NCALD: variants seen among roughly 807,000 people sequenced by gnomAD.
The protein encoded by NCALD is neurocalcin-delta.
In NCALD, 10 loss-of-function variants were observed where a neutral mutation model predicts 18.6. That is an observed-to-expected ratio of 0.54 (90% CI 0.33 to 0.91). NCALD has a LOEUF of 0.91. Ranked by LOEUF, NCALD falls within the 40% of genes least tolerant of loss-of-function variation. NCALD has a pLI of 0.03. For synonymous variants in NCALD, 88 were observed against 87.4 expected, an observed-to-expected ratio of 1.01 and a Z score of -0.04; for missense variants, 184 against 247.6, an observed-to-expected ratio of 0.74 and a Z score of 1.72.
chr8:101,872,054 C>T (rs1318793839), intron 4 of NCALD: 2 of 1,378,658 alleles, frequency 1.5e-6, no homozygotes, highest in Admixed American at 1.7e-5. Context: ...TAAACAAATA[C>T]CATGGGCAGA....
intron 4 of NCALD, among the ~76,000 whole-genome samples, chr8:101,842,033 T>G (rs1187876952): frequency 6.6e-6 from 1 of 152,222 alleles, no homozygotes; most frequent in Admixed American, 6.5e-5. Context: ...TTATGGAGGC[T>G]AGAAGTCCAA....
intron 2 of NCALD, chr8:102,020,146 T>A (rs1007706186): frequency 1.4e-4 from 22 of 152,174 alleles, no homozygotes; most frequent in Admixed American, 1.2e-3. Context: ...AAAATGAGGA[T>A]TACATAGAAT....
chr8:102,081,605 G>A (rs2132335047), intron 1 of NCALD, among the ~76,000 whole-genome samples: 1 of 145,376 alleles, frequency 6.9e-6, no homozygotes, highest in South Asian at 2.2e-4. Flanking sequence ...TTGCGCATGC[G>A]CACTTTACCT....
chr8:101,812,141 G>T (rs1813328198), intron 4 of NCALD, among the ~76,000 whole-genome samples: 1 of 152,118 alleles, frequency 6.6e-6, no homozygotes, highest in Non-Finnish European at 1.5e-5. Context: ...TTTCTAAGTA[G>T]TTATCAACCA....
chr8:101,881,746 A>G (rs746424016), intron 4 of NCALD, among the ~76,000 whole-genome samples: 2 of 152,114 alleles, frequency 1.3e-5, no homozygotes, highest in Non-Finnish European at 2.9e-5. Flanking sequence ...CCAGAAAAAC[A>G]TATTATCACG....
intron 2 of NCALD, among the ~76,000 whole-genome samples, chr8:101,935,383 TTAAG>T (rs1211334481): frequency 6.6e-5 from 10 of 152,294 alleles, no homozygotes; most frequent in African/African-American, 1.4e-4. Flanking sequence ...AAAGTTGAGT[TTAAG>T]TAAGATGTTA....
intron 2 of NCALD, among the ~76,000 whole-genome samples, chr8:102,012,204 A>G (rs1011111077): frequency 6.6e-6 from 1 of 152,226 alleles, no homozygotes; most frequent in African/African-American, 2.4e-5. Context: ...GCTGCAGGTC[A>G]TCAACCTCAT....
intron 1 of NCALD, among the ~76,000 whole-genome samples, chr8:102,096,787 C>T (rs2132396649): frequency 6.6e-6 from 1 of 152,340 alleles, no homozygotes; most frequent in South Asian, 2.1e-4. Context: ...CTGGGGCCCA[C>T]TCCCACCCTG....
intron 1 of NCALD, among the ~76,000 whole-genome samples, chr8:102,077,675 A>C (rs948243432): frequency 6.6e-6 from 1 of 152,060 alleles, no homozygotes; most frequent in Non-Finnish European, 1.5e-5. Context: ...TCATACCCCC[A>C]TTCCCTTTAG....
At chr8:101,751,460 T>A (rs1810654213) in intron 1 of NCALD, among the ~76,000 whole-genome samples, 1 of 152,166 alleles carries the variant, frequency 6.6e-6, no homozygotes, top group South Asian at 2.1e-4. Flanking sequence ...TGAATATACT[T>A]AATGCCACTG....
intron 4 of NCALD, among the ~76,000 whole-genome samples, chr8:101,809,323 C>G (rs1172098557): frequency 6.6e-6 from 1 of 152,034 alleles, no homozygotes; most frequent in Non-Finnish European, 1.5e-5. Flanking sequence ...TGCCTGCCTG[C>G]CTTTTTGCAG....
chr8:102,020,226 T>C (rs192973689), intron 2 of NCALD: 1 of 152,292 alleles, frequency 6.6e-6, no homozygotes. Context: ...AAAAACTTGT[T>C]CTATACTTAC....
chr8:101,874,560 C>T lies in NCALD; in HGVS notation c.-20+12581G>A, dbSNP rs181926447. On this transcript the variant is annotated intron_variant, in intron 4 of 6. Transcript: ENST00000311028. The stretch of plus-strand genomic sequence containing the variant: ...CAAAAAAAAATTTTTTTTTCTGAGA[C>T]AGGGTCTCCCTCTGTTGCCCAGGCT... Among the ~76,000 whole-genome samples, 355 of 152,202 alleles carry T rather than the reference C, an allele frequency of 2.3e-3. 1 individual carries two copies. Among genetic ancestry groups the T allele is most frequent in the Non-Finnish European group, 3.4e-3 (231 of 67,986 alleles).
intron 1 of NCALD, among the ~76,000 whole-genome samples, chr8:102,106,732 T>C (rs1156445452): frequency 6.6e-6 from 1 of 152,162 alleles, no homozygotes; most frequent in East Asian, 1.9e-4. Context: ...TTTCTGCAGC[T>C]TCTTGTTCTT....
chr8:101,731,432 G>A (rs1816826490), intron 1 of NCALD, among the ~76,000 whole-genome samples: 1 of 152,048 alleles, frequency 6.6e-6, no homozygotes, highest in Non-Finnish European at 1.5e-5. Flanking sequence ...CTCTAAAGCC[G>A]TTATAACCCA....
intron 1 of NCALD, among the ~76,000 whole-genome samples, chr8:101,736,210 T>C (rs1809907833): frequency 6.6e-6 from 1 of 152,220 alleles, no homozygotes. Flanking sequence ...TGTCCTGCTC[T>C]GCTGAGAAGC....
chr8:101,737,527 C>T (rs1287155370), intron 1 of NCALD, among the ~76,000 whole-genome samples: 2 of 152,224 alleles, frequency 1.3e-5, no homozygotes, highest in African/African-American at 2.4e-5. Context: ...CGCACCCCAA[C>T]CTGATTGGAG....
At chr8:101,784,320 G>A (rs1050912151) in intron 1 of NCALD, among the ~76,000 whole-genome samples, 1 of 152,002 alleles carries the variant, frequency 6.6e-6, no homozygotes, top group Non-Finnish European at 1.5e-5. Flanking sequence ...GGATTCTAAG[G>A]GAAAATGTCA....
At chr8:101,997,822 TG>T (rs1460583048) in intron 2 of NCALD, among the ~76,000 whole-genome samples, 1 of 152,216 alleles carries the variant, frequency 6.6e-6, no homozygotes, top group Non-Finnish European at 1.5e-5. Context: ...AATCTACAGC[TG>T]GGGGTATGAG....
Sources: gnomAD v4.1 joint callset for allele counts (sites outside exome capture counted in the v4.1 genomes callset) on GRCh38, gnomAD v4.1.1 for gene constraint, MANE v1.5 for transcripts, NCBI Gene and HGNC (gene_info 2026-07-23, HGNC 2026-07-21) for gene names.